Variants in ADAMTS16 observed in about 807,000 individuals in gnomAD.
The protein encoded by ADAMTS16 is ADAM metallopeptidase with thrombospondin type 1 motif 16.
Under a neutral mutation model 145.8 loss-of-function variants are expected in ADAMTS16, and 94 were observed. The ratio of observed to expected loss-of-function variants is 0.64; its 90% CI spans 0.55 to 0.77. ADAMTS16 has a LOEUF of 0.77. ADAMTS16 is among the 30% of genes least tolerant of loss of function. The pLI, the probability that ADAMTS16 is intolerant of heterozygous loss-of-function variation, is 0.00. For synonymous variants in ADAMTS16, 659 were observed against 604.3 expected, an observed-to-expected ratio of 1.09 and a Z score of -1.33; for missense variants, 1,585 against 1,591.5, an observed-to-expected ratio of 1.00 and a Z score of 0.07.
At chr5:5,267,305 C>T (rs981838369) in intron 18 of ADAMTS16, among the ~76,000 whole-genome samples, 1 of 152,198 alleles carries the variant, frequency 6.6e-6, no homozygotes, top group Admixed American at 6.5e-5. Flanking sequence ...CTCAATTAGA[C>T]CCTTTGCCTT....
chr5:5,313,315 G>C (rs977789776), intron 21 of ADAMTS16, among the ~76,000 whole-genome samples: 2 of 152,200 alleles, frequency 1.3e-5, no homozygotes, highest in Admixed American at 1.3e-4. Flanking sequence ...CCACCAGACA[G>C]GCTTATTCTT....
intron 17 of ADAMTS16, among the ~76,000 whole-genome samples, chr5:5,246,902 A>G (rs572896581): frequency 6.6e-6 from 1 of 152,328 alleles, no homozygotes; most frequent in South Asian, 2.1e-4. Context: ...ATGTGTGACA[A>G]TGCAAGATGA....
chr5:5,194,445 C>T (rs1735745934), intron 8 of ADAMTS16, among the ~76,000 whole-genome samples: 1 of 152,196 alleles, frequency 6.6e-6, no homozygotes, highest in African/African-American at 2.4e-5. Flanking sequence ...CAGGACAGTT[C>T]CTTCTGTCGC....
intron 3 of ADAMTS16, among the ~76,000 whole-genome samples, chr5:5,172,915 C>T (rs1735084943): frequency 6.6e-6 from 1 of 152,094 alleles, no homozygotes; most frequent in African/African-American, 2.4e-5. Flanking sequence ...ATATTGAGTG[C>T]ATATATATTT....
chr5:5,148,869 G>A (rs2255514), intron 3 of ADAMTS16, among the ~76,000 whole-genome samples: 151,660 of 152,198 alleles, frequency 1, 75,581 homozygotes, highest in Middle Eastern at 1. Flanking sequence ...ACGGGGACAG[G>A]CATGGGAGCC....
chr5:5,314,047 A>G (rs1365531528), intron 21 of ADAMTS16, among the ~76,000 whole-genome samples: 1 of 152,016 alleles, frequency 6.6e-6, no homozygotes, highest in African/African-American at 2.4e-5. Context: ...GATTTGTACA[A>G]AAATTCACAA....
At chr5:5,220,203 A>G (rs1736555350) in intron 10 of ADAMTS16, among the ~76,000 whole-genome samples, 1 of 138,332 alleles carries the variant, frequency 7.2e-6, no homozygotes, top group African/African-American at 2.8e-5. Flanking sequence ...TCTGTCACCC[A>G]GTCTAGAGTA....
intron 13 of ADAMTS16, among the ~76,000 whole-genome samples, 196 bp downstream of exon 13, chr5:5,235,382 C>T (rs1560961304): frequency 6.6e-6 from 1 of 152,092 alleles, no homozygotes; most frequent in Admixed American, 6.6e-5. Flanking sequence ...ACTTCACCAG[C>T]GGTGAGGTCA....
intron 10 of ADAMTS16, among the ~76,000 whole-genome samples, chr5:5,212,677 A>C: frequency 6.6e-6 from 1 of 152,132 alleles, no homozygotes; most frequent in East Asian, 1.9e-4. Context: ...GTGTGTGTTT[A>C]TATAAAATGT....
intron 3 of ADAMTS16, among the ~76,000 whole-genome samples, chr5:5,162,496 G>T (rs1734766564): frequency 6.6e-6 from 1 of 152,294 alleles, no homozygotes; most frequent in East Asian, 1.9e-4. Context: ...CTAATTGATT[G>T]TTTGGGCAAC....
intron 17 of ADAMTS16, among the ~76,000 whole-genome samples, chr5:5,255,322 G>C (rs1216351159): frequency 1.3e-5 from 2 of 152,108 alleles, no homozygotes; most frequent in African/African-American, 2.4e-5. Flanking sequence ...AACCTTTCTA[G>C]GTATTTCAAG....
chr5:5,157,979 G>A lies in ADAMTS16; in HGVS notation c.501+11524G>A, dbSNP rs918524829. ...CCTCAGGGTTTTAGCGGATGCTGTT[G>A]CCTCTGCCTGCAAAACGACTCCCAT... is the stretch of plus-strand genomic sequence containing the variant. On this transcript the variant is annotated intron_variant, in intron 3 of 22. Transcript: ENST00000274181. Among the ~76,000 whole-genome samples, 3 of 152,318 alleles carry A rather than the reference G, an allele frequency of 2.0e-5. No homozygotes were observed. The East Asian group carries it at 5.8e-4, about 29-fold the overall frequency.
At chr5:5,162,759 A>AGAGAGGAGAGGAGAG (rs10545197) in intron 3 of ADAMTS16, among the ~76,000 whole-genome samples, 26 of 150,212 alleles carry the variant, frequency 1.7e-4, no homozygotes, top group Middle Eastern at 3.4e-3. Context: ...AGAGAAGAGA[A>AGAGAGGAGAGGAGAG]GAGAGGAGAG....
intron 9 of ADAMTS16, among the ~76,000 whole-genome samples, chr5:5,202,394 C>CA (rs963344114): frequency 2.0e-5 from 3 of 151,914 alleles, no homozygotes; most frequent in African/African-American, 7.3e-5. Context: ...ATTATATTAC[C>CA]AAAAAAAGAC....
chr5:5,317,570 C>CT lies in ADAMTS16; in HGVS notation c.3412-557dup, dbSNP rs1423915885. On this transcript the variant is annotated intron_variant, in intron 21 of 22. Transcript: ENST00000274181. The surrounding 1 kb of genome is among the most constrained non-coding windows in gnomAD (Gnocchi z 4.5). ...CCACCAGGCCCAGCTAATTTTTTTT[C>CT]TTTTTTTAATAGAGACGGGGTTTCA... 6.6e-6 allele frequency among the ~76,000 whole-genome samples: 1 copy of CT among 151,696 alleles called. No individual in the cohort carries two copies. Among genetic ancestry groups the CT allele is most frequent in the Admixed American group, 6.6e-5 (1 of 15,234 alleles).
chr5:5,188,952 G>A (rs1262733525), intron 6 of ADAMTS16, among the ~76,000 whole-genome samples: 1 of 152,118 alleles, frequency 6.6e-6, no homozygotes, highest in East Asian at 1.9e-4. Context: ...TCGTTTGATC[G>A]TACACCTGTG....
At chr5:5,192,146 G>A (rs1179192643) in intron 8 of ADAMTS16, among the ~76,000 whole-genome samples, 1 of 152,082 alleles carries the variant, frequency 6.6e-6, no homozygotes, top group African/African-American at 2.4e-5. Context: ...ACCATGCTTG[G>A]CTAATTTTTG....
chr5:5,289,608 T>A (rs1350145473), intron 18 of ADAMTS16, among the ~76,000 whole-genome samples: 2 of 152,252 alleles, frequency 1.3e-5, no homozygotes, highest in African/African-American at 2.4e-5. Flanking sequence ...TTTACAGATA[T>A]GTCCAGTTCG....
rs1192358380 is a variant in ADAMTS16, at chr5:5,310,214, GTC to G, written c.3411+3491_3411+3492del. The stretch of plus-strand genomic sequence containing the variant: ...GATGACCAGCTCTCCCCAAGCCTGT[GTC>G]TCTCCTCTCATGTCCACCATCCTCC... On this transcript the variant is annotated intron_variant, in intron 21 of 22. Transcript: ENST00000274181. This position sits in a 1 kb window ranked among gnomAD's most constrained non-coding sequence, Gnocchi z 4.3. 2.6e-5 allele frequency among the ~76,000 whole-genome samples: 4 copies of G among 152,042 alleles called. No homozygotes were observed. The highest frequency in any genetic ancestry group is 1.3e-4 in the Admixed American group (2 of 15,270).
Sources: gnomAD v4.1 joint callset for allele counts (sites outside exome capture counted in the v4.1 genomes callset) on GRCh38, gnomAD v4.1.1 for gene constraint, Gnocchi (gnomAD v3.1) non-coding constraint, MANE v1.5 for transcripts, NCBI Gene and HGNC (gene_info 2026-07-23, HGNC 2026-07-21) for gene names.